Variants in AGBL2 observed in about 807,000 individuals in gnomAD.
AGBL2 encodes the protein AGBL carboxypeptidase 2.
Under a neutral mutation model 103.0 loss-of-function variants are expected in AGBL2, and 87 were observed. That is an observed-to-expected ratio of 0.84 (90% CI 0.71 to 1.01). The LOEUF is 1.01. AGBL2 is among the 50% of genes least tolerant of loss of function. AGBL2 has a pLI of 0.00. For missense variants in AGBL2, 904 were observed against 1,023.5 expected (o/e 0.88, Z 1.59); for synonymous variants, 335 against 356.7 (o/e 0.94, Z 0.69).
chr11:47,694,627 A>C (rs1441172445), intron 8 of AGBL2, among the ~76,000 whole-genome samples: 3 of 152,174 alleles, frequency 2.0e-5, no homozygotes, highest in Non-Finnish European at 4.4e-5. Context: ...ACCTGGAAAA[A>C]CTGCTTTAGC....
In AGBL2 at chr11:47,690,258, G is replaced by A; in HGVS notation, c.1449C>T (p.Ser483=). The change falls in exon 10 of 19, where the codon TCC becomes TCT. Residue 483 remains serine (S), a synonymous_variant. Coordinates refer to ENST00000525123, the MANE Select transcript of AGBL2 (RefSeq NM_024783.4). ...KGFLDFILSN[S]PDAQLLRDIF... Reference sequence around the variant, plus strand: ...TATCTCTGAGGAGCTGGGCATCTGGGGAGTTGCTAAGGATGAAGTCCAAAA... The same window carrying A: ...TATCTCTGAGGAGCTGGGCATCTGGAGAGTTGCTAAGGATGAAGTCCAAAA... 6.2e-7 allele frequency: 1 copy of A among 1,614,020 alleles called. No homozygotes were observed. The highest frequency in any genetic ancestry group is 8.5e-7 in the Non-Finnish European group (1 of 1,180,010).
In AGBL2 at chr11:47,690,548, G is replaced by C. The variant is rs1283495501; in HGVS notation, c.1159C>G (p.Gln387Glu). 6.2e-7 allele frequency: 1 copy of C among 1,614,134 alleles called. No individual in the cohort carries two copies. Among genetic ancestry groups the C allele is most frequent in the East Asian group, 2.2e-5 (1 of 44,894 alleles). ...AAGTGTGCAAAGAAGCAAGTGTCCT[G>C]GTCATATGGAAACTGAATGGTCCAC... Reference protein sequence around the residue: ...LTWTIQFPYDQDTCFFAHFYP... With the variant: ...LTWTIQFPYDEDTCFFAHFYP... The change falls in exon 10 of 19, where the codon CAG (glutamine) becomes GAG (glutamate). Residue 387 changes from glutamine to glutamate, a missense_variant. By Grantham distance (29) the Gln-to-Glu change is conservative. Coordinates refer to ENST00000525123, the MANE Select transcript of AGBL2 (RefSeq NM_024783.4).
chr11:47,703,891 C>T (rs2097507319), intron 7 of AGBL2, among the ~76,000 whole-genome samples: 2 of 148,284 alleles, frequency 1.3e-5, no homozygotes, highest in African/African-American at 5.0e-5. Context: ...TGCCATTGCA[C>T]TCCAGCCTGG....
intron 3 of AGBL2, among the ~76,000 whole-genome samples, chr11:47,711,927 A>T (rs933830721): frequency 1.1e-4 from 17 of 152,320 alleles, no homozygotes; most frequent in African/African-American, 1.4e-4. Flanking sequence ...AAAAATTTTT[A>T]AATTAGCTGG....
chr11:47,675,265 C>A (rs2097370832), intron 14 of AGBL2, among the ~76,000 whole-genome samples: 1 of 135,368 alleles, frequency 7.4e-6, no homozygotes, highest in Non-Finnish European at 1.5e-5. Context: ...TTGTAGTACA[C>A]TAGCGCGGCC....
At chr11:47,693,109 T>A (rs567592019) in intron 8 of AGBL2, among the ~76,000 whole-genome samples, 1 of 152,106 alleles carries the variant, frequency 6.6e-6, no homozygotes, top group Non-Finnish European at 1.5e-5. Flanking sequence ...CATGAGCCAT[T>A]GCATCCTGCA....
At chr11:47,666,744 C>A in intron 17 of AGBL2, 1 of 615,484 alleles carries the variant, frequency 1.6e-6, no homozygotes. Flanking sequence ...TGTAAAATCA[C>A]AAATCACCAA....
intron 7 of AGBL2, 30 bp from the exon 8 acceptor site, chr11:47,699,583 A>G (rs922654934): frequency 2.4e-6 from 3 of 1,267,104 alleles, no homozygotes; most frequent in Admixed American, 3.8e-5. Flanking sequence ...AAAGTACAAA[A>G]TAAGAAATAA....
chr11:47,703,309 G>GA (rs1350631521), intron 7 of AGBL2, among the ~76,000 whole-genome samples: 2 of 151,744 alleles, frequency 1.3e-5, no homozygotes, highest in African/African-American at 4.8e-5. Context: ...AAAAAGAAAA[G>GA]AAAAAAACCA....
rs569614051 is a variant in AGBL2 at position 47,706,473 on chromosome 11, G to A, written c.233-556C>T. On this transcript the variant is annotated intron_variant, in intron 4 of 18. Transcript: ENST00000525123. ...GGAGCTTGCGGTGAGCCTAGATTGC[G>A]CCACTGCACTCCAGCCTGGGGCACA... Among the ~76,000 whole-genome samples, 9 of 152,102 alleles carry A rather than the reference G, an allele frequency of 5.9e-5. 1 individual carries two copies. In the Middle Eastern group the frequency reaches 0.01, roughly 174 times the overall value.
chr11:47,683,594 C>A (rs2097411025), intron 11 of AGBL2, among the ~76,000 whole-genome samples: 1 of 150,650 alleles, frequency 6.6e-6, no homozygotes, highest in Admixed American at 6.6e-5. Context: ...CATGGTGAAA[C>A]CCCGTCTCTA....
chr11:47,683,012 AAAAG>A (rs1274063259), intron 11 of AGBL2, among the ~76,000 whole-genome samples: 1 of 152,092 alleles, frequency 6.6e-6, no homozygotes, highest in African/African-American at 2.4e-5. Flanking sequence ...AAAGGAAAGG[AAAAG>A]AAAGAAAGAA....
At chr11:47,678,335 A>ATTTTTTTTTTT (rs771416947) in intron 13 of AGBL2, among the ~76,000 whole-genome samples, 2 of 67,786 alleles carry the variant, frequency 3.0e-5, no homozygotes, top group South Asian at 5.8e-4. Flanking sequence ...ATTTTATTTT[A>ATTTTTTTTTTT]TTATTTTATT....
At chr11:47,704,382 C>G (rs1392134862) in intron 7 of AGBL2, among the ~76,000 whole-genome samples, 161 bp downstream of exon 7, 1 of 150,844 alleles carries the variant, frequency 6.6e-6, no homozygotes, top group Non-Finnish European at 1.5e-5. Context: ...CAGTAGGAGG[C>G]TGAGGGAGGA....
intron 1 of AGBL2, 156 bp from the exon 2 acceptor site, chr11:47,714,906 G>A (rs1024771813): frequency 9.6e-6 from 5 of 520,902 alleles, no homozygotes; most frequent in Middle Eastern, 5.3e-4. Context: ...AGACAGGGAG[G>A]GCAGCGTATC....
intron 14 of AGBL2, among the ~76,000 whole-genome samples, chr11:47,671,837 A>C (rs1160489261): frequency 6.6e-6 from 1 of 152,220 alleles, no homozygotes; most frequent in East Asian, 1.9e-4. Flanking sequence ...AAGCACTAAA[A>C]GCAGTATGTC....
chr11:47,711,431 C>T lies in AGBL2; in HGVS notation c.98-920G>A, dbSNP rs139302554. On this transcript the variant is annotated intron_variant, in intron 3 of 18. Transcript: ENST00000525123. ...CCCCTCACTTGCTTGCCACCCCTCC[C>T]CGGAGCTCAGAGGAACTTTGTCCCA... Among the ~76,000 whole-genome samples the T allele has an allele frequency of 2.0e-3, 310 of 152,322 alleles. 1 individual carries two copies. Among genetic ancestry groups the T allele is most frequent in the African/African-American group, 7.2e-3 (300 of 41,584 alleles).
intron 8 of AGBL2, among the ~76,000 whole-genome samples, chr11:47,698,168 A>ATTT (rs35161992): frequency 0.049 from 3,927 of 79,670 alleles, 245 homozygotes; most frequent in African/African-American, 0.1. Flanking sequence ...AGTCTACATA[A>ATTT]TTTTTTTTTT....
intron 11 of AGBL2, among the ~76,000 whole-genome samples, chr11:47,685,412 C>A (rs2097419914): frequency 1.3e-5 from 2 of 151,346 alleles, no homozygotes; most frequent in African/African-American, 2.4e-5. Flanking sequence ...CTGTAGCTGG[C>A]AGGACACAGC....
Sources: gnomAD v4.1 joint callset for allele counts (sites outside exome capture counted in the v4.1 genomes callset) on GRCh38, gnomAD v4.1.1 for gene constraint, MANE v1.5 for transcripts, NCBI Gene and HGNC (gene_info 2026-07-23, HGNC 2026-07-21) for gene names.